RIPOR1: variants seen among roughly 807,000 people sequenced by gnomAD.
RIPOR1 encodes rho family-interacting cell polarization regulator 1.
In RIPOR1, 58 loss-of-function variants were observed where a neutral mutation model predicts 116.5. That is an observed-to-expected ratio of 0.50 (90% CI 0.40 to 0.62). The LOEUF (loss-of-function observed/expected upper bound fraction) is 0.62, where lower values mean the gene tolerates loss of function less well. Ranked by LOEUF, RIPOR1 falls within the 20% of genes least tolerant of loss-of-function variation. RIPOR1 has a pLI of 0.00. For missense variants in RIPOR1, 1,372 were observed against 1,586.2 expected (o/e 0.86, Z 2.29); for synonymous variants, 605 against 650.0 (o/e 0.93, Z 1.05).
Position 67,531,500 on chromosome 16 carries a change from C to T in RIPOR1, c.-24+2586C>T, listed in dbSNP as rs1338898888. 12 of 393,128 alleles carry T rather than the reference C, an allele frequency of 3.1e-5. No homozygotes were observed. The Middle Eastern group carries it at 1.4e-3, about 47-fold the overall frequency. The allele number at this position is 393,128 out of a possible 1,614,324, so 24.4% of individuals were successfully genotyped here. On this transcript the variant is annotated intron_variant, in intron 1 of 21. Transcript: ENST00000042381. The surrounding 1 kb of genome is among the most constrained non-coding windows in gnomAD (Gnocchi z 4.2). ...GAGGAAGTCAAAAAGGGGGAACCAA[C>T]CCAGGGCCTGCTTCCTGGAGGAAGA...
intron 21 of RIPOR1, 24 bp downstream of exon 21, chr16:67,546,255 TG>T (rs750503867): frequency 6.2e-7 from 1 of 1,613,058 alleles, no homozygotes; most frequent in East Asian, 2.2e-5. Context: ...ATGGAAGAGA[TG>T]GGTGGAGTTC....
At position 67,540,816 on chromosome 16, in the gene RIPOR1, G is replaced by A. The variant is rs945219227; in HGVS notation, c.801+112G>A. On this transcript the variant is annotated intron_variant, in intron 10 of 21. Transcript: ENST00000042381. The surrounding 1 kb of genome is among the most constrained non-coding windows in gnomAD (Gnocchi z 4.7). ...TCCCCTCATAGCTCCATAGCCCTGT[G>A]AAGATATGATTCCATGACCTTCATG... 8.9e-7 allele frequency: 1 copy of A among 1,126,476 alleles called. No homozygotes were observed. The highest frequency in any genetic ancestry group is 1.3e-6 in the Non-Finnish European group (1 of 781,690). The allele number at this position is 1,126,476 out of a possible 1,614,324, so 69.8% of individuals were successfully genotyped here.
rs200529239 is a variant in RIPOR1 at position 67,544,341 on chromosome 16, C to T, written c.2643C>T (p.Asp881=). The T allele has an allele frequency of 6.2e-7, 1 of 1,613,340 alleles. No homozygotes were observed. Among genetic ancestry groups the T allele is most frequent in the East Asian group, 2.2e-5 (1 of 44,878 alleles). ...AGGCTGGGGCTGAGGACAGCATAGA[C>T]TCACCCAGTGCCCGCCCCCTCAGCA... ...SPEAGAEDSI[D]SPSARPLSTG... Residue 881 remains aspartate (D), a synonymous_variant, in exon 15 of 22, where the codon GAC becomes GAT. Transcript: ENST00000042381. The surrounding 1 kb of genome is among the most constrained non-coding windows in gnomAD (Gnocchi z 5.1).
Position 67,534,835 on chromosome 16 carries a change from CTTTTTTTTT to C in RIPOR1, c.-23-3572_-23-3564del, listed in dbSNP as rs553858194. On this transcript the variant is annotated intron_variant, in intron 1 of 21. Coordinates refer to ENST00000042381, the MANE Select transcript of RIPOR1 (RefSeq NM_024519.4). ...ACAGTTTCTAGGGTTTTCTTTTTTT[CTTTTTTTTT>C]TTTTTTTTTTTTTTTTGAGACAGAC... 4.8e-3 allele frequency among the ~76,000 whole-genome samples: 381 copies of C among 79,018 alleles called. 5 individuals carry two copies. Among genetic ancestry groups the C allele is most frequent in the African/African-American group, 0.019 (359 of 18,884 alleles). 51.8% of individuals were successfully genotyped at this position (79,018 alleles called of 152,430 possible).
Position 67,545,154 on chromosome 16 carries a change from A to G in RIPOR1, c.3031+37A>G. 1 of 1,602,452 alleles carries G rather than the reference A, an allele frequency of 6.2e-7. No individual in the cohort carries two copies. The highest frequency in any genetic ancestry group is 8.5e-7 in the Non-Finnish European group (1 of 1,175,648). On this transcript the variant is annotated intron_variant, in intron 17 of 21. Coordinates refer to ENST00000042381, the MANE Select transcript of RIPOR1 (RefSeq NM_024519.4). The surrounding 1 kb of genome is among the most constrained non-coding windows in gnomAD (Gnocchi z 4.8). Reference sequence around the variant, plus strand: ...GCTTCCTCCTTCCACCCTTGCTCAGATTCCCAGTGACAGGAAGCTCGGGGA... The same window carrying G: ...GCTTCCTCCTTCCACCCTTGCTCAGGTTCCCAGTGACAGGAAGCTCGGGGA...
chr16:67,540,254 AG>A lies in RIPOR1; in HGVS notation c.568-45del. 1 of 1,613,640 alleles carries A rather than the reference AG, an allele frequency of 6.2e-7. No homozygotes were observed. Among genetic ancestry groups the A allele is most frequent in the Non-Finnish European group, 8.5e-7 (1 of 1,179,786 alleles). ...CAGAGGCACAGGGTGTGGCAGGGCT[AG>A]TGGCTGGCCCTTGACCCCCTCCTGT... On this transcript the variant is annotated intron_variant, in intron 7 of 21. Coordinates refer to ENST00000042381, the MANE Select transcript of RIPOR1 (RefSeq NM_024519.4). The surrounding 1 kb of genome is among the most constrained non-coding windows in gnomAD (Gnocchi z 4.7).
rs941099996 is a variant in RIPOR1 at position 67,537,906 on chromosome 16, G to A, written c.-23-518G>A. Among the ~76,000 whole-genome samples the A allele has an allele frequency of 6.6e-6, 1 of 151,838 alleles. No individual in the cohort carries two copies. The highest frequency in any genetic ancestry group is 2.4e-5 in the African/African-American group (1 of 41,398). ...CAGGTCACGCTGGCAGGCGGGGGGC[G>A]GGCGACAAACCCGCACCGGCTGGGC... On this transcript the variant is annotated intron_variant, in intron 1 of 21. Coordinates refer to ENST00000042381, the MANE Select transcript of RIPOR1 (RefSeq NM_024519.4). This position sits in a 1 kb window ranked among gnomAD's most constrained non-coding sequence, Gnocchi z 4.6.
At position 67,544,500 on chromosome 16, in the gene RIPOR1, C is replaced by T; in HGVS notation, c.2733+69C>T. 6.4e-7 allele frequency: 1 copy of T among 1,561,010 alleles called. No individual in the cohort carries two copies. On this transcript the variant is annotated intron_variant, in intron 15 of 21. Transcript: ENST00000042381. The surrounding 1 kb of genome is among the most constrained non-coding windows in gnomAD (Gnocchi z 5.1). ...ACCCCAGGGAGTCCTGCCCTTCCATCCTGGTCCTCTATACCTCCTCTGAGT... is the reference window on the plus strand; with the variant it reads ...ACCCCAGGGAGTCCTGCCCTTCCATTCTGGTCCTCTATACCTCCTCTGAGT...
rs1258677594 is a variant in RIPOR1 at position 67,534,061 on chromosome 16, C to T, written c.-23-4363C>T. Reference sequence around the variant, plus strand: ...TCTCGAACTCCTTACTTCAGGTGATCCACCTGCCTCGGCCTCCCAAAGTAC... The same window carrying T: ...TCTCGAACTCCTTACTTCAGGTGATTCACCTGCCTCGGCCTCCCAAAGTAC... On this transcript the variant is annotated intron_variant, in intron 1 of 21. Transcript: ENST00000042381. 1.3e-3 allele frequency among the ~76,000 whole-genome samples: 203 copies of T among 150,428 alleles called. 3 individuals carry two copies. The highest frequency in any genetic ancestry group is 3.4e-4 in the Non-Finnish European group (23 of 67,776).
chr16:67,531,564 G>T lies in RIPOR1; in HGVS notation c.-24+2650G>T, dbSNP rs1186206173. ...ACTTGAGGAAGGAGAGGGACTTGGG[G>T]CTGAGTAGTGGGAAGAAGGAATAGG... On this transcript the variant is annotated intron_variant, in intron 1 of 21. Transcript: ENST00000042381. This position sits in a 1 kb window ranked among gnomAD's most constrained non-coding sequence, Gnocchi z 4.2. The T allele has an allele frequency of 2.2e-6, 1 of 452,048 alleles. No individual in the cohort carries two copies. The highest frequency in any genetic ancestry group is 4.4e-6 in the Non-Finnish European group (1 of 224,824). 28.0% of individuals were successfully genotyped at this position (452,048 alleles called of 1,614,324 possible).
Position 67,544,411 on chromosome 16 carries a change from C to T in RIPOR1, c.2713C>T (p.His905Tyr). 6.2e-7 allele frequency: 1 copy of T among 1,611,628 alleles called. No homozygotes were observed. The highest frequency in any genetic ancestry group is 8.5e-7 in the Non-Finnish European group (1 of 1,179,414). ...LDAALVRHLY[H>Y]CSRLLLKLGT... ...TGCTGCCTTGGTCCGGCACCTGTAC[C>T]ACTGCAGTCGCCTCCTGCTGGTGAG... Residue 905 changes from histidine (H) to tyrosine (Y), a missense_variant, in exon 15 of 22, where the codon CAC becomes TAC. Coordinates refer to ENST00000042381, the MANE Select transcript of RIPOR1 (RefSeq NM_024519.4). This position sits in a 1 kb window ranked among gnomAD's most constrained non-coding sequence, Gnocchi z 5.1.
chr16:67,534,835 CTT>C (rs553858194), intron 1 of RIPOR1, among the ~76,000 whole-genome samples: 42 of 78,992 alleles, frequency 5.3e-4, no homozygotes, highest in African/African-American at 1.6e-3. Context: ...TTCTTTTTTT[CTT>C]TTTTTTTTTT....
chr16:67,540,568 T>C lies in RIPOR1; in HGVS notation c.676-11T>C. Reference sequence around the variant, plus strand: ...AACACCTAGGCTGCCTCATCCTACCTGTTCCCCCAGATCTGCATGAAATAT... The same window carrying C: ...AACACCTAGGCTGCCTCATCCTACCCGTTCCCCCAGATCTGCATGAAATAT... On this transcript the variant is annotated splice_polypyrimidine_tract_variant and intron_variant, in intron 9 of 21. Coordinates refer to ENST00000042381, the MANE Select transcript of RIPOR1 (RefSeq NM_024519.4). This position sits in a 1 kb window ranked among gnomAD's most constrained non-coding sequence, Gnocchi z 4.7. The C allele has an allele frequency of 6.2e-7, 1 of 1,614,076 alleles. No individual in the cohort carries two copies. Among genetic ancestry groups the C allele is most frequent in the South Asian group, 1.1e-5 (1 of 91,084 alleles).
At chr16:67,526,397 C>T (rs1421268831), upstream of RIPOR1, among the ~76,000 whole-genome samples, 2 of 152,114 alleles carry the variant, frequency 1.3e-5, no homozygotes, top group African/African-American at 4.8e-5. Flanking sequence ...ATCTCCTGGG[C>T]CTTGGAGGCC....
In RIPOR1 at chr16:67,537,755, C is replaced by A. The variant is rs1404642161; in HGVS notation, c.-23-669C>A. On this transcript the variant is annotated intron_variant, in intron 1 of 21. Coordinates refer to ENST00000042381, the MANE Select transcript of RIPOR1 (RefSeq NM_024519.4). The surrounding 1 kb of genome is among the most constrained non-coding windows in gnomAD (Gnocchi z 4.6). Reference sequence around the variant, plus strand: ...GGGGTGGAGGCGCACGTCCGTGACTCAGTTTCCAGGTGGGAGCCTCAGGAA... The same window carrying A: ...GGGGTGGAGGCGCACGTCCGTGACTAAGTTTCCAGGTGGGAGCCTCAGGAA... 6.6e-6 allele frequency among the ~76,000 whole-genome samples: 1 copy of A among 152,088 alleles called. No homozygotes were observed. Among genetic ancestry groups the A allele is most frequent in the Non-Finnish European group, 1.5e-5 (1 of 67,980 alleles).
rs1384242290 is a variant in RIPOR1 at position 67,529,961 on chromosome 16, G to A, written c.-24+1047G>A. 1.3e-6 allele frequency: 1 copy of A among 785,110 alleles called. No individual in the cohort carries two copies. The highest frequency in any genetic ancestry group is 2.2e-6 in the Non-Finnish European group (1 of 461,832). 48.6% of individuals were successfully genotyped at this position (785,110 alleles called of 1,614,324 possible). On this transcript the variant is annotated intron_variant, in intron 1 of 21. Transcript: ENST00000042381. The surrounding 1 kb of genome is among the most constrained non-coding windows in gnomAD (Gnocchi z 4.1). ...CCCACCTCCGTGGTATTGGAGGGAGGAGAGGAATGATAATTGGGGGCTGAG... is the reference window on the plus strand; with the variant it reads ...CCCACCTCCGTGGTATTGGAGGGAGAAGAGGAATGATAATTGGGGGCTGAG...
upstream of RIPOR1, among the ~76,000 whole-genome samples, chr16:67,526,643 G>A (rs1051415802): frequency 1.3e-5 from 2 of 152,212 alleles, no homozygotes; most frequent in Admixed American, 1.3e-4. Context: ...GGACTTCTGT[G>A]GTTCCTACCC....
chr16:67,536,528 G>C (rs1270147717), intron 1 of RIPOR1, among the ~76,000 whole-genome samples: 2 of 152,140 alleles, frequency 1.3e-5, no homozygotes, highest in East Asian at 3.9e-4. Context: ...TGGGGCATTA[G>C]CCTAGGATGC....
chr16:67,533,094 A>G (rs2050703007), intron 1 of RIPOR1, among the ~76,000 whole-genome samples: 1 of 152,178 alleles, frequency 6.6e-6, no homozygotes, highest in South Asian at 2.1e-4. Context: ...GTGACTGGTC[A>G]TAGGGGCTAA....
Sources: allele counts gnomAD v4.1 joint callset (sites outside exome capture counted in the v4.1 genomes callset), GRCh38; gene constraint gnomAD v4.1.1; non-coding constraint Gnocchi (gnomAD v3.1); transcripts MANE v1.5; gene names NCBI Gene and HGNC (gene_info 2026-07-23, HGNC 2026-07-21).